Variants in TF observed in about 807,000 individuals in gnomAD.
TF encodes the protein transferrin.
Under a neutral mutation model 82.4 loss-of-function variants are expected in TF, and 55 were observed. The ratio of observed to expected loss-of-function variants is 0.67; its 90% CI spans 0.54 to 0.84. The LOEUF is 0.84. Among genes scored for constraint, TF ranks in the 40% least tolerant of loss-of-function variants. TF has a pLI of 0.00. For missense variants in TF, 737 were observed against 868.4 expected, an observed-to-expected ratio of 0.85 and a Z score of 1.90; for synonymous variants, 332 against 332.6, an observed-to-expected ratio of 1.00 and a Z score of 0.02.
chr3:133,774,151 C>T (rs1479415237), intron 14 of TF: 1 of 151,980 alleles, frequency 6.6e-6, no homozygotes, highest in Non-Finnish European at 1.5e-5. Context: ...GTTATTTTCC[C>T]CTCCAATAAG....
At chr3:133,740,341 G>A in the TF span, among the ~76,000 whole-genome samples, 1 of 152,146 alleles carries the variant, frequency 6.6e-6, no homozygotes, top group Admixed American at 6.5e-5. Flanking sequence ...CAGGGGGTTG[G>A]GGGCTAAGGG....
chr3:133,746,376 G>C (rs41298275), upstream of TF: 1,730 of 1,541,924 alleles, frequency 1.1e-3, 18 homozygotes, highest in African/African-American at 0.021. Flanking sequence ...AAAGGGACGC[G>C]GGGCGCCGGA....
chr3:133,664,984 T>A, the TF span: 2 of 152,120 alleles, frequency 1.3e-5, no homozygotes, highest in South Asian at 4.1e-4. Flanking sequence ...GAGATAAGCA[T>A]TGCCCATGTG....
At chr3:133,753,489 GC>G in intron 2 of TF, 105 bp from the exon 3 acceptor site, 3 of 963,640 alleles carry the variant, frequency 3.1e-6, no homozygotes. Context: ...TCAAGTTCTG[GC>G]CCTGGGTCCG....
At chr3:133,718,761 A>G in the TF span, among the ~76,000 whole-genome samples, 2 of 152,282 alleles carry the variant, frequency 1.3e-5, no homozygotes, top group Admixed American at 1.3e-4. Flanking sequence ...ATTAGTCTAG[A>G]GTAGAGAAAG....
the TF span, among the ~76,000 whole-genome samples, chr3:133,687,147 A>G: frequency 6.6e-6 from 1 of 152,338 alleles, no homozygotes; most frequent in African/African-American, 2.4e-5. Context: ...TTGAACAATG[A>G]GAACACTTGG....
chr3:133,697,780 G>A, the TF span, among the ~76,000 whole-genome samples: 10 of 152,258 alleles, frequency 6.6e-5, no homozygotes, highest in East Asian at 9.6e-4. Context: ...GATTTAAAAC[G>A]TATTTTCTAG....
In TF at chr3:133,783,911, C is replaced by A. The variant is rs898921910; in HGVS notation, c.*5291C>A. ...CTTCTGCTGAGCCGCCTGGACGCAG[C>A]GCCCCTGGGTGGCGGCAGGTATAGC... On this transcript the variant is annotated 3_prime_UTR_variant, in exon 17 of 17. Transcript: ENST00000402696. The A allele has an allele frequency of 6.6e-6, 1 of 152,312 alleles. No homozygotes were observed. The highest frequency in any genetic ancestry group is 1.5e-5 in the Non-Finnish European group (1 of 68,094). 9.4% of individuals were successfully genotyped at this position (152,312 alleles called of 1,614,324 possible).
At chr3:133,724,866 C>T in the TF span, among the ~76,000 whole-genome samples, 1 of 152,198 alleles carries the variant, frequency 6.6e-6, no homozygotes, top group African/African-American at 2.4e-5. Context: ...TTTCAGCTTT[C>T]TACATATGGC....
rs1036526631 is a variant in TF at position 133,756,959 on chromosome 3, A to G, written c.820A>G (p.Ser274Gly). ...CCCTTCTCATACCGTCGTGGCCCGA[A>G]GTATGGGCGGCAAGGAGGACTTGAT... The part of the protein sequence containing the change: ...QVPSHTVVAR[S>G]MGGKEDLIWE... Residue 274 changes from serine to glycine, a missense_variant, in exon 7 of 17, where the codon AGT becomes GGT. Physicochemically the swap from Ser to Gly is moderately conservative, Grantham distance 56 (BLOSUM62 0). Transcript: ENST00000402696. 1.9e-6 allele frequency: 3 copies of G among 1,613,998 alleles called. No individual in the cohort carries two copies. The highest frequency in any genetic ancestry group is 2.7e-5 in the African/African-American group (2 of 74,916).
intron 2 of TF, among the ~76,000 whole-genome samples, chr3:133,753,180 C>A (rs556119638): frequency 2.0e-5 from 3 of 152,262 alleles, no homozygotes; most frequent in Admixed American, 1.3e-4. Context: ...CGTGGCCAGC[C>A]CAAGAGAGCT....
chr3:133,729,525 G>C, the TF span, among the ~76,000 whole-genome samples: 2 of 152,178 alleles, frequency 1.3e-5, no homozygotes, highest in African/African-American at 2.4e-5. Flanking sequence ...CGCAGTATTC[G>C]GGTGGAAGTG....
chr3:133,705,004 G>T, the TF span, among the ~76,000 whole-genome samples: 1 of 152,210 alleles, frequency 6.6e-6, no homozygotes, highest in Non-Finnish European at 1.5e-5. Context: ...GTCGGGCGTG[G>T]TGGCTCACAC....
At chr3:133,755,575 C>T (rs570924002) in intron 5 of TF, 80 bp downstream of exon 5, 16 of 1,592,210 alleles carry the variant, frequency 1.0e-5, no homozygotes, top group Middle Eastern at 1.7e-4. Flanking sequence ...GGTCCAAAGC[C>T]GAGCCCTGCC....
chr3:133,724,556 C>T, the TF span, among the ~76,000 whole-genome samples: 4 of 152,092 alleles, frequency 2.6e-5, no homozygotes, highest in Admixed American at 2.6e-4. Flanking sequence ...TGGATATTAG[C>T]CCTTTGTCAG....
chr3:133,755,831 C>T, intron 5 of TF: 1 of 460,112 alleles, frequency 2.2e-6, no homozygotes, highest in Non-Finnish European at 4.0e-6. Flanking sequence ...CAGGGACTGG[C>T]CCTCTTCCCT....
chr3:133,693,941 A>G, the TF span, among the ~76,000 whole-genome samples: 5 of 152,144 alleles, frequency 3.3e-5, no homozygotes, highest in South Asian at 1.0e-3. Flanking sequence ...TGCAGCGGAC[A>G]AGCTGGGGAA....
chr3:133,743,882 CA>C (rs1413391895), upstream of TF, among the ~76,000 whole-genome samples: 5 of 152,212 alleles, frequency 3.3e-5, no homozygotes, highest in African/African-American at 1.2e-4. Flanking sequence ...GGGCCATGCA[CA>C]CATGTACACC....
upstream of TF, chr3:133,746,338 C>G (rs577921269): frequency 2.8e-6 from 4 of 1,414,062 alleles, no homozygotes; most frequent in African/African-American, 5.7e-5. Context: ...AAAGATTGCG[C>G]CCAGCCCGCC....
Sources: gnomAD v4.1 joint callset for allele counts (sites outside exome capture counted in the v4.1 genomes callset) on GRCh38, gnomAD v4.1.1 for gene constraint, MANE v1.5 for transcripts, NCBI Gene and HGNC (gene_info 2026-07-23, HGNC 2026-07-21) for gene names.